TGM2: variants seen among roughly 807,000 people sequenced by gnomAD.
TGM2 encodes the protein transglutaminase 2, also known as protein-glutamine gamma-glutamyltransferase 2.
In TGM2, 53 loss-of-function variants were observed where a neutral mutation model predicts 75.6. The observed-to-expected ratio is 0.70, with a 90% CI of 0.56 to 0.88. TGM2 has a LOEUF of 0.88. Ranked by LOEUF, TGM2 falls within the 40% of genes least tolerant of loss-of-function variation. TGM2 has a pLI of 0.00. For synonymous variants in TGM2, 374 were observed against 381.1 expected (o/e 0.98, Z 0.22); for missense variants, 842 against 928.5 (o/e 0.91, Z 1.21).
Position 38,130,951 on chromosome 20 carries a change from G to C in TGM2, c.1913+142C>G, listed in dbSNP as rs772107672. 5.6e-4 allele frequency: 732 copies of C among 1,300,414 alleles called. 1 individual carries two copies. Among genetic ancestry groups the C allele is most frequent in the Middle Eastern group, 2.1e-3 (8 of 3,796 alleles). The allele number at this position is 1,300,414 out of a possible 1,614,324, so 80.6% of individuals were successfully genotyped here. A position where few individuals can be genotyped will look rare whatever the true frequency, so the allele number is the denominator to read the frequency against. On this transcript the variant is annotated intron_variant, in intron 12 of 12. Transcript: ENST00000361475. The stretch of plus-strand genomic sequence containing the variant: ...GTGACGGTGGGAACTCTAGCCCCAG[G>C]GTGTCTGGGAGTGGGCACAGCTGTG...
At chr20:38,137,907 G>A (rs2074919453) in intron 10 of TGM2, 5 of 1,214,932 alleles carry the variant, frequency 4.1e-6, no homozygotes, top group East Asian at 2.6e-5. Context: ...TCTGGAAAAC[G>A]GAGCCATGTT....
At chr20:38,167,819 G>A (rs182217747), upstream of TGM2, among the ~76,000 whole-genome samples, 171 of 152,266 alleles carry the variant, frequency 1.1e-3, 2 homozygotes, top group African/African-American at 3.9e-3. Context: ...TACACAGAGT[G>A]GGTATGTCAC....
upstream of TGM2, among the ~76,000 whole-genome samples, chr20:38,165,714 A>C (rs1368185770): frequency 2.0e-5 from 3 of 151,684 alleles, no homozygotes; most frequent in African/African-American, 7.3e-5. Flanking sequence ...ACACACTCAC[A>C]CACATACTCA....
intron 4 of TGM2, among the ~76,000 whole-genome samples, chr20:38,148,373 G>C (rs1367800776): frequency 6.6e-6 from 1 of 152,178 alleles, no homozygotes; most frequent in Admixed American, 6.5e-5. Context: ...GGAGCCCATG[G>C]AGTGGGCAGC....
At chr20:38,141,675 C>G (rs2074976914) in intron 7 of TGM2, among the ~76,000 whole-genome samples, 1 of 152,188 alleles carries the variant, frequency 6.6e-6, no homozygotes, top group Admixed American at 6.5e-5. Flanking sequence ...TCCATCCCTT[C>G]TTTTCTGTCC....
intron 1 of TGM2, among the ~76,000 whole-genome samples, chr20:38,163,639 A>G (rs2075279475): frequency 6.6e-6 from 1 of 152,072 alleles, no homozygotes. Flanking sequence ...CTTCGCCACC[A>G]TGTCCTGTGT....
At chr20:38,168,475 T>C (rs1452312349), upstream of TGM2, among the ~76,000 whole-genome samples, 1 of 152,226 alleles carries the variant, frequency 6.6e-6, no homozygotes, top group Non-Finnish European at 1.5e-5. Context: ...TTGTCATCTA[T>C]TCAGGGGAAG....
chr20:38,132,355 T>C lies in TGM2; in HGVS notation c.1761A>G (p.Pro587=), dbSNP rs139110852. The C allele has an allele frequency of 1.8e-4, 293 of 1,614,046 alleles. 1 individual carries two copies. The highest frequency in any genetic ancestry group is 2.2e-4 in the Non-Finnish European group (264 of 1,180,030). Residue 587 remains proline (P), a synonymous_variant, in exon 11 of 13, where the codon CCA becomes CCG. Coordinates refer to ENST00000361475, the MANE Select transcript of TGM2 (RefSeq NM_004613.4). The part of the protein sequence containing the change: ...LAERDLYLEN[P]EIKIRILGEP... ...CTGCCCTTACCCGGATCTTGATTTC[T>C]GGATTCTCCAGGTAGAGGTCCCTCT...
intron 8 of TGM2, among the ~76,000 whole-genome samples, 178 bp downstream of exon 8, chr20:38,141,104 T>G (rs2074966759): frequency 6.6e-6 from 1 of 152,184 alleles, no homozygotes; most frequent in African/African-American, 2.4e-5. Context: ...CGTGAATTAT[T>G]TTTGAGATTT....
chr20:38,140,526 A>G (rs1486571384), intron 8 of TGM2, among the ~76,000 whole-genome samples: 2 of 152,204 alleles, frequency 1.3e-5, no homozygotes, highest in East Asian at 3.8e-4. Context: ...ACTTTCTTCA[A>G]TTGCAAAAGC....
intron 5 of TGM2, 42 bp downstream of exon 5, chr20:38,147,919 C>T (rs1429533484): frequency 6.3e-7 from 1 of 1,588,330 alleles, no homozygotes; most frequent in Non-Finnish European, 8.6e-7. Flanking sequence ...GCGGGAGCCC[C>T]CTGTAGGCCC....
chr20:38,165,700 ACG>A (rs1555811740), upstream of TGM2, among the ~76,000 whole-genome samples: 6 of 147,916 alleles, frequency 4.1e-5, no homozygotes, highest in African/African-American at 1.3e-4. Context: ...ACACACACAC[ACG>A]CACACACTCA....
intron 1 of TGM2, among the ~76,000 whole-genome samples, chr20:38,164,761 G>A (rs1568708380): frequency 1.3e-5 from 2 of 152,148 alleles, no homozygotes; most frequent in African/African-American, 4.8e-5. Context: ...CAAGGACTCA[G>A]CCAGGCTTGG....
chr20:38,154,294 G>GTGGT (rs1351578299), intron 3 of TGM2, among the ~76,000 whole-genome samples: 1 of 152,224 alleles, frequency 6.6e-6, no homozygotes, highest in African/African-American at 2.4e-5. Flanking sequence ...CAGCAAGAAG[G>GTGGT]TGGTTGTCTA....
At chr20:38,156,416 G>A (rs1379371348) in intron 2 of TGM2, among the ~76,000 whole-genome samples, 2 of 152,266 alleles carry the variant, frequency 1.3e-5, no homozygotes, top group African/African-American at 2.4e-5. Context: ...GATGTGACTC[G>A]GGACAAGCCC....
chr20:38,151,054 T>G lies in TGM2; in HGVS notation c.437A>C (p.Asp146Ala). Residue 146 changes from aspartate to alanine, a missense_variant, in exon 4 of 13, where the codon GAT (aspartate) becomes GCT (alanine). By Grantham distance (126) the Asp-to-Ala change is moderately radical. Coordinates refer to ENST00000361475, the MANE Select transcript of TGM2 (RefSeq NM_004613.4). The stretch of plus-strand genomic sequence containing the variant: ...CTCTTCCGAGTCCAGGTACACAGCA[T>G]CCGCTGCAGGCAGGAAGAAAGGGAC... ...ILLFNAWCPA[D>A]AVYLDSEEER... The G allele has an allele frequency of 6.2e-7, 1 of 1,613,146 alleles. No individual in the cohort carries two copies. The highest frequency in any genetic ancestry group is 8.5e-7 in the Non-Finnish European group (1 of 1,179,096).
chr20:38,130,440 G>A, intron 12 of TGM2, 71 bp from the exon 13 acceptor site: 2 of 1,499,258 alleles, frequency 1.3e-6, no homozygotes. Flanking sequence ...GTCCAGCCAG[G>A]AAGTCACGTG....
At chr20:38,163,035 C>A (rs2075271961) in intron 1 of TGM2, among the ~76,000 whole-genome samples, 2 of 152,164 alleles carry the variant, frequency 1.3e-5, no homozygotes, top group Non-Finnish European at 2.9e-5. Flanking sequence ...TGCTGTGAGT[C>A]TAGAAGATGT....
At chr20:38,140,745 A>T (rs956441602) in intron 8 of TGM2, among the ~76,000 whole-genome samples, 1 of 152,244 alleles carries the variant, frequency 6.6e-6, no homozygotes, top group Non-Finnish European at 1.5e-5. Flanking sequence ...TCATAAATTC[A>T]TTTTTTAAAA....
Sources: gnomAD v4.1 joint callset for allele counts (sites outside exome capture counted in the v4.1 genomes callset) on GRCh38, gnomAD v4.1.1 for gene constraint, MANE v1.5 for transcripts, NCBI Gene and HGNC (gene_info 2026-07-23, HGNC 2026-07-21) for gene names.